CSGALNACT1: variants seen among roughly 807,000 people sequenced by gnomAD.
CSGALNACT1 encodes the protein chondroitin sulfate N-acetylgalactosaminyltransferase 1.
CSGALNACT1 carries 52 observed loss-of-function variants against 51.0 expected under a neutral mutation model. The observed-to-expected ratio is 1.02, with a 90% CI of 0.82 to 1.29. The LOEUF (loss-of-function observed/expected upper bound fraction) is 1.29. CSGALNACT1 is among the 50% of genes most tolerant of loss of function. CSGALNACT1 has a pLI of 0.00. For missense variants in CSGALNACT1, 935 were observed against 679.2 expected (o/e 1.38, Z -4.19); for synonymous variants, 341 against 254.4 (o/e 1.34, Z -3.24).
At chr8:19,596,176 A>T (rs1052377253) in intron 2 of CSGALNACT1, among the ~76,000 whole-genome samples, 12 of 152,086 alleles carry the variant, frequency 7.9e-5, no homozygotes, top group African/African-American at 2.9e-4. Flanking sequence ...CCTCATTTTC[A>T]GTTCCTCAGG....
At chr8:19,521,610 G>A (rs534067676) in intron 3 of CSGALNACT1, among the ~76,000 whole-genome samples, 1 of 147,964 alleles carries the variant, frequency 6.8e-6, no homozygotes, top group African/African-American at 2.5e-5. Flanking sequence ...TTGTACATGG[G>A]AGGCGGAGGC....
At chr8:19,678,948 T>C (rs1006748331) in intron 1 of CSGALNACT1, 6 of 152,220 alleles carry the variant, frequency 3.9e-5, no homozygotes, top group African/African-American at 1.4e-4. Flanking sequence ...GCTGGGAGCT[T>C]GACTGTCTCC....
chr8:19,666,811 G>GAAAGAAAGAAAGAAAGAA (rs35734602), intron 1 of CSGALNACT1, among the ~76,000 whole-genome samples: 27 of 26,410 alleles, frequency 1.0e-3, no homozygotes, highest in East Asian at 3.4e-3. Context: ...AAGAAAGAAA[G>GAAAGAAAGAAAGAAAGAA]AGAGAGAGAG....
At chr8:19,665,729 G>A (rs578094474) in intron 1 of CSGALNACT1, among the ~76,000 whole-genome samples, 1 of 152,278 alleles carries the variant, frequency 6.6e-6, no homozygotes, top group East Asian at 1.9e-4. Flanking sequence ...CCTGACAAAG[G>A]ACGTCAATTT....
chr8:19,433,026 T>TA (rs558275935), intron 6 of CSGALNACT1, among the ~76,000 whole-genome samples: 2 of 152,160 alleles, frequency 1.3e-5, no homozygotes, highest in Non-Finnish European at 2.9e-5. Flanking sequence ...ATTGAACATT[T>TA]AAAAAAATGT....
intron 2 of CSGALNACT1, among the ~76,000 whole-genome samples, chr8:19,598,580 G>A (rs1177976058): frequency 1.3e-5 from 2 of 152,078 alleles, no homozygotes; most frequent in Non-Finnish European, 1.5e-5. Context: ...AAAAATGATT[G>A]CGTCAGCTAC....
intron 1 of CSGALNACT1, among the ~76,000 whole-genome samples, chr8:19,657,042 AAC>A (rs1234762290): frequency 6.7e-6 from 1 of 149,910 alleles, no homozygotes; most frequent in Non-Finnish European, 1.5e-5. Flanking sequence ...CAGCCCAGGC[AAC>A]AGAGTAAGAC....
At chr8:19,486,972 G>C (rs970565497) in intron 4 of CSGALNACT1, among the ~76,000 whole-genome samples, 6 of 152,208 alleles carry the variant, frequency 3.9e-5, no homozygotes, top group Non-Finnish European at 5.9e-5. Context: ...TCAATGGATA[G>C]CAGGATTTAC....
chr8:19,659,326 T>G (rs2058566250), intron 1 of CSGALNACT1, among the ~76,000 whole-genome samples: 1 of 152,208 alleles, frequency 6.6e-6, no homozygotes, highest in East Asian at 1.9e-4. Flanking sequence ...AAGCAACACT[T>G]TCTTCATCCC....
intron 6 of CSGALNACT1, among the ~76,000 whole-genome samples, chr8:19,439,626 T>C (rs2060975360): frequency 6.6e-6 from 1 of 152,256 alleles, no homozygotes; most frequent in South Asian, 2.1e-4. Context: ...TCATCACCCA[T>C]GCACATTGAA....
intron 1 of CSGALNACT1, among the ~76,000 whole-genome samples, chr8:19,636,666 G>A (rs2056106963): frequency 1.3e-5 from 2 of 152,196 alleles, no homozygotes; most frequent in Admixed American, 1.3e-4. Context: ...GTCACATACA[G>A]TCGGTAGTGC....
At chr8:19,472,152 A>G (rs1439243419) in intron 4 of CSGALNACT1, among the ~76,000 whole-genome samples, 1 of 152,224 alleles carries the variant, frequency 6.6e-6, no homozygotes, top group Non-Finnish European at 1.5e-5. Flanking sequence ...AGGGAGTTCT[A>G]CAAAGATTCC....
At chr8:19,562,193 C>G (rs1050415127) in intron 3 of CSGALNACT1, among the ~76,000 whole-genome samples, 1 of 152,112 alleles carries the variant, frequency 6.6e-6, no homozygotes. Flanking sequence ...CAAATAGAAC[C>G]CAGGCTTAAA....
At chr8:19,575,644 TGA>T in intron 3 of CSGALNACT1, among the ~76,000 whole-genome samples, 1 of 152,358 alleles carries the variant, frequency 6.6e-6, no homozygotes, top group Non-Finnish European at 1.5e-5. Context: ...TCTAGGATAC[TGA>T]GAAATTTTGT....
chr8:19,685,963 T>C (rs1040713410), upstream of CSGALNACT1, among the ~76,000 whole-genome samples: 2 of 152,208 alleles, frequency 1.3e-5, no homozygotes, highest in East Asian at 1.9e-4. Context: ...CATCTACCCA[T>C]ACTCATGTAT....
chr8:19,517,178 C>G (rs557753979), intron 3 of CSGALNACT1, among the ~76,000 whole-genome samples: 1 of 152,328 alleles, frequency 6.6e-6, no homozygotes, highest in Admixed American at 6.5e-5. Flanking sequence ...TGACTCACAT[C>G]TGTAATCCCA....
intron 1 of CSGALNACT1, among the ~76,000 whole-genome samples, chr8:19,629,995 C>A (rs1047979697): frequency 2.0e-5 from 3 of 152,074 alleles, no homozygotes; most frequent in African/African-American, 7.2e-5. Flanking sequence ...CAGGGGAGTC[C>A]GACATCCTAA....
At chr8:19,534,569 A>C (rs2083391716) in intron 3 of CSGALNACT1, among the ~76,000 whole-genome samples, 2 of 152,180 alleles carry the variant, frequency 1.3e-5, no homozygotes, top group Non-Finnish European at 2.9e-5. Context: ...AAAACACACC[A>C]ATCATGACCC....
rs767437773 is a variant in CSGALNACT1 at position 19,505,905 on chromosome 8, T to G, written c.-71A>C. The G allele has an allele frequency of 8.2e-6, 13 of 1,583,672 alleles. No individual in the cohort carries two copies. In the South Asian group the frequency reaches 1.2e-4, roughly 15 times the overall value. ...CGGGGCCCCCACGGAAGGGCTTCCC[T>G]GGGCTAGACCACAGGAAGCATGCGT... is the stretch of plus-strand genomic sequence containing the variant. On this transcript the variant is annotated 5_prime_UTR_variant, in exon 4 of 10. Transcript: ENST00000454498.
Sources: gnomAD v4.1 joint callset for allele counts (sites outside exome capture counted in the v4.1 genomes callset) on GRCh38, gnomAD v4.1.1 for gene constraint, MANE v1.5 for transcripts, NCBI Gene and HGNC (gene_info 2026-07-23, HGNC 2026-07-21) for gene names.